The following ITGA9 variants were observed in gnomAD, a reference collection of about 807,000 sequenced individuals.
The protein encoded by ITGA9 is integrin alpha-9.
Under a neutral mutation model 127.8 loss-of-function variants are expected in ITGA9, and 56 were observed. The observed-to-expected ratio is 0.44, with a 90% CI of 0.35 to 0.55. The LOEUF (loss-of-function observed/expected upper bound fraction) is 0.55. ITGA9 is among the 20% of genes least tolerant of loss of function. The pLI is 0.00. For synonymous variants in ITGA9, 508 were observed against 514.5 expected (o/e 0.99, Z 0.17); for missense variants, 1,196 against 1,347.1 (o/e 0.89, Z 1.76).
At chr3:37,514,539 G>T (rs1203001559) in intron 9 of ITGA9, among the ~76,000 whole-genome samples, 1 of 152,232 alleles carries the variant, frequency 6.6e-6, no homozygotes, top group Non-Finnish European at 1.5e-5. Context: ...GCATGGGGGG[G>T]CAGGGGACTG....
At chr3:37,679,034 A>G (rs986602217) in intron 17 of ITGA9, among the ~76,000 whole-genome samples, 3 of 152,210 alleles carry the variant, frequency 2.0e-5, no homozygotes, top group Non-Finnish European at 4.4e-5. Flanking sequence ...AGGATTTTTA[A>G]TAACAAATGA....
chr3:37,802,022 T>C (rs1261562369), intron 26 of ITGA9, among the ~76,000 whole-genome samples: 1 of 152,210 alleles, frequency 6.6e-6, no homozygotes, highest in Non-Finnish European at 1.5e-5. Flanking sequence ...AGAAGGCCAC[T>C]GTCAACCAGG....
At chr3:37,775,384 C>G (rs2125549217) in intron 23 of ITGA9, among the ~76,000 whole-genome samples, 1 of 152,196 alleles carries the variant, frequency 6.6e-6, no homozygotes, top group East Asian at 1.9e-4. Context: ...GTGGCTCATG[C>G]CTGTAATCCC....
At chr3:37,670,799 G>A (rs990121928) in intron 17 of ITGA9, among the ~76,000 whole-genome samples, 3 of 152,156 alleles carry the variant, frequency 2.0e-5, no homozygotes, top group African/African-American at 4.8e-5. Flanking sequence ...CAAAATCTAG[G>A]AGATTCATAA....
intron 15 of ITGA9, among the ~76,000 whole-genome samples, chr3:37,554,306 G>C (rs552456734): frequency 3.9e-5 from 6 of 152,050 alleles, no homozygotes; most frequent in South Asian, 2.1e-4. Context: ...TAGCACAGCG[G>C]GTTCCTGGAG....
chr3:37,613,021 G>A (rs1700038781), intron 15 of ITGA9, among the ~76,000 whole-genome samples: 1 of 149,500 alleles, frequency 6.7e-6, no homozygotes, highest in African/African-American at 2.5e-5. Flanking sequence ...GTGCAGGTTT[G>A]TTACATATGT....
chr3:37,498,854 G>T (rs142355484), intron 5 of ITGA9, among the ~76,000 whole-genome samples: 1 of 152,336 alleles, frequency 6.6e-6, no homozygotes, highest in African/African-American at 2.4e-5. Flanking sequence ...TGGAAGTTCA[G>T]CTGTTTGTGG....
At chr3:37,542,395 C>T in intron 14 of ITGA9, 30 bp from the exon 15 acceptor site, 1 of 1,612,284 alleles carries the variant, frequency 6.2e-7, no homozygotes, top group Non-Finnish European at 8.5e-7. Context: ...TCGGTCCTTT[C>T]TGACATTTTG....
At chr3:37,610,901 A>G (rs1431248669) in intron 15 of ITGA9, among the ~76,000 whole-genome samples, 1 of 152,208 alleles carries the variant, frequency 6.6e-6, no homozygotes, top group African/African-American at 2.4e-5. Context: ...AGTTTTGTGG[A>G]TAGGTATGAC....
chr3:37,751,869 G>A lies in ITGA9; in HGVS notation c.2541+1300G>A, dbSNP rs1416681321. ...AAAGTCTGTAACAGACTTGGCCCTA[G>A]GATGGCCAAGTCTCCATCTGGATAG... On this transcript the variant is annotated intron_variant, in intron 23 of 27. Coordinates refer to ENST00000264741, the MANE Select transcript of ITGA9 (RefSeq NM_002207.3). 5.3e-5 allele frequency among the ~76,000 whole-genome samples: 8 copies of A among 152,250 alleles called. No individual in the cohort carries two copies. The East Asian group carries it at 1.5e-3, about 29-fold the overall frequency.
intron 18 of ITGA9, among the ~76,000 whole-genome samples, chr3:37,686,006 G>A (rs997188872): frequency 1.1e-4 from 16 of 152,100 alleles, no homozygotes; most frequent in Non-Finnish European, 1.3e-4. Context: ...CTCTTATTCT[G>A]TATTTAGGTT....
intron 7 of ITGA9, among the ~76,000 whole-genome samples, chr3:37,508,162 G>A (rs754853695): frequency 6.6e-6 from 1 of 152,150 alleles, no homozygotes; most frequent in Non-Finnish European, 1.5e-5. Context: ...GTAATGCCTG[G>A]TAAAGTCTTA....
At chr3:37,546,960 A>G (rs928732502) in intron 15 of ITGA9, among the ~76,000 whole-genome samples, 11 of 152,322 alleles carry the variant, frequency 7.2e-5, no homozygotes, top group Non-Finnish European at 1.5e-4. Flanking sequence ...TCAAATACCT[A>G]TGCATGACAG....
intron 25 of ITGA9, among the ~76,000 whole-genome samples, chr3:37,780,646 A>C (rs552948360): frequency 4.5e-4 from 69 of 152,304 alleles, no homozygotes; most frequent in Non-Finnish European, 5.9e-4. Context: ...TTACCAGTGC[A>C]GGTATATTTT....
At chr3:37,569,725 TGA>T (rs774472670) in intron 15 of ITGA9, among the ~76,000 whole-genome samples, 1 of 152,238 alleles carries the variant, frequency 6.6e-6, no homozygotes, top group African/African-American at 2.4e-5. Context: ...CCTCATGTGA[TGA>T]GTCACAGTTA....
chr3:37,690,515 G>A (rs1467322378), intron 18 of ITGA9, among the ~76,000 whole-genome samples: 2 of 152,160 alleles, frequency 1.3e-5, no homozygotes, highest in African/African-American at 4.8e-5. Context: ...AAACTCAAGG[G>A]GCTGGGGTTA....
At chr3:37,546,243 T>A (rs1311319305) in intron 15 of ITGA9, among the ~76,000 whole-genome samples, 1 of 152,188 alleles carries the variant, frequency 6.6e-6, no homozygotes, top group Non-Finnish European at 1.5e-5. Context: ...AAGTTGCTGA[T>A]AAAGCGCCCA....
chr3:37,557,836 A>G (rs779446585), intron 15 of ITGA9, among the ~76,000 whole-genome samples: 10 of 152,208 alleles, frequency 6.6e-5, no homozygotes, highest in Admixed American at 1.3e-4. Context: ...TCATTTTACC[A>G]TTGAGGGATC....
At chr3:37,455,659 C>G (rs1027376420) in intron 1 of ITGA9, among the ~76,000 whole-genome samples, 2 of 152,210 alleles carry the variant, frequency 1.3e-5, no homozygotes, top group African/African-American at 4.8e-5. Context: ...TCTTACGTCT[C>G]TCTTCTCGAA....
Sources: allele counts gnomAD v4.1 joint callset (sites outside exome capture counted in the v4.1 genomes callset), GRCh38; gene constraint gnomAD v4.1.1; transcripts MANE v1.5; gene names NCBI Gene and HGNC (gene_info 2026-07-23, HGNC 2026-07-21).